CCDC171: variants seen among roughly 807,000 people sequenced by gnomAD.
CCDC171 encodes coiled-coil domain-containing protein 171.
CCDC171 carries 177 observed loss-of-function variants against 168.2 expected under a neutral mutation model. The ratio of observed to expected loss-of-function variants is 1.05; its 90% confidence interval spans 0.93 to 1.19. The LOEUF (loss-of-function observed/expected upper bound fraction) is 1.19. Among genes scored for constraint, CCDC171 ranks in the 50% most tolerant of loss-of-function variants. The pLI, the probability that CCDC171 is intolerant of heterozygous loss-of-function variation, is 0.00. For synonymous variants in CCDC171, 687 were observed against 540.8 expected (o/e 1.27, Z -3.75); for missense variants, 1,991 against 1,539.0 (o/e 1.29, Z -4.91).
In CCDC171 at chr9:15,777,591, T is replaced by G; in HGVS notation, c.2672-9T>G. 6.3e-7 allele frequency: 1 copy of G among 1,587,796 alleles called. No homozygotes were observed. The highest frequency in any genetic ancestry group is 8.6e-7 in the Non-Finnish European group (1 of 1,165,194). On this transcript the variant is annotated splice_polypyrimidine_tract_variant and intron_variant, in intron 18 of 25. Coordinates refer to ENST00000380701, the MANE Select transcript of CCDC171 (RefSeq NM_173550.4). Reference sequence around the variant, plus strand: ...ACATTTTTGTGCCTTTTTTTCTTTTTCTTTGAAGATCCAAATTCCAGAATT... The same window carrying G: ...ACATTTTTGTGCCTTTTTTTCTTTTGCTTTGAAGATCCAAATTCCAGAATT...
chr9:15,684,226 C>T, intron 10 of CCDC171, among the ~76,000 whole-genome samples: 1 of 151,990 alleles, frequency 6.6e-6, no homozygotes, highest in South Asian at 2.1e-4. Flanking sequence ...AATTGCTTAA[C>T]ATATATTTAA....
At chr9:15,954,149 T>G (rs1423509059) in intron 25 of CCDC171, among the ~76,000 whole-genome samples, 3 of 133,798 alleles carry the variant, frequency 2.2e-5, no homozygotes, top group African/African-American at 7.3e-5. Context: ...TCTACTTACT[T>G]TCTTTTTTTT....
intron 23 of CCDC171, among the ~76,000 whole-genome samples, chr9:15,850,701 A>G (rs190728464): frequency 4.7e-4 from 72 of 152,104 alleles, no homozygotes; most frequent in African/African-American, 1.6e-3. Flanking sequence ...GAGGTGGCCC[A>G]GAGAGTCCTC....
the CCDC171 span, among the ~76,000 whole-genome samples, chr9:16,086,931 T>C: frequency 6.6e-6 from 1 of 152,216 alleles, no homozygotes. Context: ...GTATGTTGTG[T>C]CTTTGTTCTC....
At position 15,973,096 on chromosome 9, in the gene CCDC171, C is replaced by T. The variant is rs1204105477; in HGVS notation, c.*1260C>T. On this transcript the variant is annotated 3_prime_UTR_variant, in exon 26 of 26. Transcript: ENST00000380701. ...CTCTTTAACCCTTAAAGGTTAAATC[C>T]TTGCAGTTTGCATCATGGTAAGTGA... 1.3e-5 allele frequency: 2 copies of T among 152,116 alleles called. No individual in the cohort carries two copies. Among genetic ancestry groups the T allele is most frequent in the East Asian group, 3.8e-4 (2 of 5,200 alleles). 9.4% of individuals were successfully genotyped at this position (152,116 alleles called of 1,614,324 possible).
chr9:16,042,171 A>T (rs372650970), upstream of CCDC171, among the ~76,000 whole-genome samples: 8 of 152,210 alleles, frequency 5.3e-5, no homozygotes, highest in East Asian at 5.8e-4. Context: ...TCTCTGGAAT[A>T]GTAAGCTGGC....
At chr9:16,070,096 G>T in the CCDC171 span, among the ~76,000 whole-genome samples, 1 of 152,014 alleles carries the variant, frequency 6.6e-6, no homozygotes, top group Non-Finnish European at 1.5e-5. Context: ...GAGCTGCTGC[G>T]AGCCGTGTAG....
chr9:16,067,469 A>G, the CCDC171 span, among the ~76,000 whole-genome samples: 1 of 152,164 alleles, frequency 6.6e-6, no homozygotes, highest in African/African-American at 2.4e-5. Flanking sequence ...TAGTTTAATT[A>G]GATCCCATTT....
chr9:15,662,923 G>A (rs553884914), intron 8 of CCDC171, among the ~76,000 whole-genome samples: 9 of 152,190 alleles, frequency 5.9e-5, no homozygotes, highest in Admixed American at 1.3e-4. Flanking sequence ...GGAGGTTGCA[G>A]TGAGCTGAGA....
At chr9:15,933,460 C>T (rs893470870) in intron 25 of CCDC171, among the ~76,000 whole-genome samples, 2 of 151,764 alleles carry the variant, frequency 1.3e-5, no homozygotes, top group Non-Finnish European at 2.9e-5. Flanking sequence ...AAAACGAATG[C>T]TTCAGTTTAT....
At chr9:15,611,569 C>G (rs1360826390) in intron 6 of CCDC171, among the ~76,000 whole-genome samples, 1 of 152,168 alleles carries the variant, frequency 6.6e-6, no homozygotes, top group Non-Finnish European at 1.5e-5. Context: ...TGAGGTCTAA[C>G]TGCCCACTAT....
At chr9:15,925,780 C>G (rs78550054) in intron 25 of CCDC171, among the ~76,000 whole-genome samples, 5 of 151,592 alleles carry the variant, frequency 3.3e-5, no homozygotes, top group Admixed American at 2.6e-4. Context: ...TTAATATCCA[C>G]TGACATAGAT....
chr9:15,720,188 A>C (rs1207135593), intron 11 of CCDC171, among the ~76,000 whole-genome samples: 2 of 152,194 alleles, frequency 1.3e-5, no homozygotes, highest in African/African-American at 4.8e-5. Flanking sequence ...TCCAAGATTT[A>C]AACATGAGAT....
intron 25 of CCDC171, among the ~76,000 whole-genome samples, chr9:15,952,797 A>C (rs191358077): frequency 6.6e-6 from 1 of 152,310 alleles, no homozygotes; most frequent in Non-Finnish European, 1.5e-5. Context: ...AAGAATATTA[A>C]GTCTTCTAAT....
intron 24 of CCDC171, among the ~76,000 whole-genome samples, chr9:15,907,170 A>G (rs1459944252): frequency 6.6e-6 from 1 of 152,204 alleles, no homozygotes; most frequent in African/African-American, 2.4e-5. Context: ...TAAAGTTCAT[A>G]TGGAACCAAA....
chr9:15,815,312 T>TAACCAAAACACCATGGTAG (rs1307245206), intron 21 of CCDC171, among the ~76,000 whole-genome samples: 41 of 49,318 alleles, frequency 8.3e-4, no homozygotes, highest in South Asian at 1.7e-3. Context: ...ACTCTGTGCT[T>TAACCAAAACACCATGGTAG]TATTGTTCTC....
chr9:15,819,042 C>G (rs2059665089), intron 21 of CCDC171, among the ~76,000 whole-genome samples: 1 of 116,764 alleles, frequency 8.6e-6, no homozygotes, highest in African/African-American at 3.2e-5. Flanking sequence ...CAATATTCAA[C>G]ATTCTTAAAG....
At chr9:15,893,218 A>G (rs1459943349) in intron 24 of CCDC171, among the ~76,000 whole-genome samples, 1 of 152,224 alleles carries the variant, frequency 6.6e-6, no homozygotes, top group African/African-American at 2.4e-5. Context: ...TGCTGGAAGA[A>G]CTGGCTAGCC....
chr9:15,591,233 A>C, intron 4 of CCDC171, 133 bp from the exon 5 acceptor site: 1 of 563,402 alleles, frequency 1.8e-6, no homozygotes, highest in Non-Finnish European at 3.1e-6. Context: ...TCAAGAGTTT[A>C]CTGTAATGGA....
Sources: gnomAD v4.1 joint callset for allele counts (sites outside exome capture counted in the v4.1 genomes callset) on GRCh38, gnomAD v4.1.1 for gene constraint, MANE v1.5 for transcripts, NCBI Gene and HGNC (gene_info 2026-07-23, HGNC 2026-07-21) for gene names.